The following KTN1 variants were observed in gnomAD, a reference collection of about 807,000 sequenced individuals.
The protein encoded by KTN1 is kinectin.
Under a neutral mutation model 222.5 loss-of-function variants are expected in KTN1, and 130 were observed. That is an observed-to-expected ratio of 0.58 (90% CI 0.51 to 0.68). The LOEUF (loss-of-function observed/expected upper bound fraction) is 0.68. Among genes scored for constraint, KTN1 ranks in the 30% least tolerant of loss-of-function variants. The pLI is 0.00. For synonymous variants in KTN1, 512 were observed against 496.3 expected (o/e 1.03, Z -0.42); for missense variants, 1,508 against 1,500.4 (o/e 1.01, Z -0.08).
chr14:55,638,279 G>GT lies in KTN1; in HGVS notation c.1785+433dup, dbSNP rs537909296. ...TTGCAAAATGATCAATTGAAAATTT[G>GT]TACCTCAGTTTAGTGACTCAGCCTT... On this transcript the variant is annotated intron_variant, in intron 12 of 43. Transcript: ENST00000395314. 6.2e-3 allele frequency among the ~76,000 whole-genome samples: 939 copies of GT among 151,970 alleles called. 9 individuals are homozygous for GT. The highest frequency in any genetic ancestry group is 5.6e-3 in the Non-Finnish European group (382 of 67,804).
intron 13 of KTN1, among the ~76,000 whole-genome samples, 180 bp from the exon 14 acceptor site, chr14:55,639,733 A>C (rs1362615767): frequency 6.6e-6 from 1 of 151,936 alleles, no homozygotes; most frequent in South Asian, 2.1e-4. Flanking sequence ...AAACAGGGTT[A>C]TGTATTTTAA....
intron 1 of KTN1, among the ~76,000 whole-genome samples, chr14:55,586,007 C>G (rs1377211752): frequency 6.6e-6 from 1 of 152,194 alleles, no homozygotes; most frequent in Non-Finnish European, 1.5e-5. Flanking sequence ...TGATGTTACA[C>G]TGCATTTTCG....
chr14:55,582,435 C>T (rs141533776), intron 1 of KTN1, among the ~76,000 whole-genome samples: 4 of 152,080 alleles, frequency 2.6e-5, no homozygotes, highest in African/African-American at 9.7e-5. Flanking sequence ...TTTGAGACTT[C>T]TAAAGAACCC....
chr14:55,647,950 AAATAAT>A (rs892973127), intron 19 of KTN1, 69 bp from the exon 20 acceptor site: 1 of 449,790 alleles, frequency 2.2e-6, no homozygotes, highest in Admixed American at 5.0e-5. Flanking sequence ...TCTCAAAAAA[AAATAAT>A]AATTATAATA....
At chr14:55,663,862 C>G in intron 32 of KTN1, 93 bp from the exon 33 acceptor site, 1 of 732,640 alleles carries the variant, frequency 1.4e-6, no homozygotes, top group South Asian at 1.9e-5. Context: ...CAGTAACCAG[C>G]ATTTAAATGC....
Position 55,640,410 on chromosome 14 carries a change from G to A in KTN1, c.1951G>A (p.Val651Met), listed in dbSNP as rs754753899. Residue 651 changes from valine to methionine, a missense_variant, in exon 15 of 44, where the codon GTG (valine) becomes ATG (methionine). Val to Met is a conservative substitution (Grantham distance 21). Coordinates refer to ENST00000395314, the MANE Select transcript of KTN1 (RefSeq NM_001079521.2). ...QNMNFLLKAE[V>M]QKLQALANEQ... ...TATGAATTTCTTATTAAAAGCTGAA[G>A]TGCAGAAATTACAGGCCCTGGCAAA... The A allele has an allele frequency of 7.5e-6, 12 of 1,607,972 alleles. No homozygotes were observed. The highest frequency in any genetic ancestry group is 1.0e-5 in the Non-Finnish European group (12 of 1,176,376).
Position 55,641,136 on chromosome 14 carries a change from T to TA in KTN1, c.2034dup (p.Asp679ArgfsTer2), listed in dbSNP as rs1263054936. 1 of 1,584,160 alleles carries TA rather than the reference T, an allele frequency of 6.3e-7. No individual in the cohort carries two copies. Among genetic ancestry groups the TA allele is most frequent in the South Asian group, 1.2e-5 (1 of 86,408 alleles). On this transcript the variant is annotated frameshift_variant, in exon 17 of 44. Coordinates refer to ENST00000395314, the MANE Select transcript of KTN1 (RefSeq NM_001079521.2). LOFTEE classifies it high-confidence loss of function. Reference sequence around the variant, plus strand: ...TTTTTCACCCTCATAGTGTTTATGTTAAAGATGATAAAATAAGATTGCTGG... The same window carrying TA: ...TTTTTCACCCTCATAGTGTTTATGTTAAAAGATGATAAAATAAGATTGCTGG...
intron 24 of KTN1, 41 bp from the exon 25 acceptor site, chr14:55,651,843 TAAATTG>T (rs774823596): frequency 8.1e-7 from 1 of 1,238,050 alleles, no homozygotes; most frequent in Non-Finnish European, 1.2e-6. Context: ...CTTAATAAGT[TAAATTG>T]AAAGGATTAT....
intron 4 of KTN1, among the ~76,000 whole-genome samples, chr14:55,618,850 G>A (rs188002987): frequency 6.6e-6 from 1 of 152,076 alleles, no homozygotes; most frequent in African/African-American, 2.4e-5. Flanking sequence ...GATTATTAAA[G>A]TTCATTGAGA....
chr14:55,642,632 A>G (rs140564266), intron 18 of KTN1, among the ~76,000 whole-genome samples: 97 of 152,352 alleles, frequency 6.4e-4, no homozygotes, highest in African/African-American at 2.2e-3. Context: ...TGCAAATGAT[A>G]GCACTTCTTT....
intron 1 of KTN1, among the ~76,000 whole-genome samples, chr14:55,608,871 C>T (rs911706025): frequency 6.6e-6 from 1 of 152,036 alleles, no homozygotes; most frequent in Non-Finnish European, 1.5e-5. Flanking sequence ...CTCAAGTGAT[C>T]CGCCTGCCTC....
At chr14:55,677,543 GT>G (rs2045990723) in intron 41 of KTN1, among the ~76,000 whole-genome samples, 1 of 150,584 alleles carries the variant, frequency 6.6e-6, no homozygotes. Flanking sequence ...CAGTATGTAT[GT>G]TAAAGCTCAC....
In KTN1 at chr14:55,648,169, A is replaced by T. The variant is rs1222860558; in HGVS notation, c.2298+54A>T. On this transcript the variant is annotated intron_variant, in intron 20 of 43. Transcript: ENST00000395314. ...TGTGATTATTCAGTGACATAAAAGG[A>T]TTTCTCTGTAATTTGTGTAAGGTTT... is the stretch of plus-strand genomic sequence containing the variant. The T allele has an allele frequency of 5.8e-6, 5 of 868,444 alleles. No individual in the cohort carries two copies. The East Asian group carries it at 1.5e-4, about 25-fold the overall frequency. 53.8% of individuals were successfully genotyped at this position (868,444 alleles called of 1,614,324 possible). A position where few individuals can be genotyped will look rare whatever the true frequency, so the allele number is the denominator to read the frequency against.
At chr14:55,631,341 GATATATATATAT>G (rs56190231) in intron 7 of KTN1, among the ~76,000 whole-genome samples, 4 of 114,718 alleles carry the variant, frequency 3.5e-5, no homozygotes, top group African/African-American at 1.5e-4. Context: ...TGATAAGGTT[GATATATATATAT>G]ATATATATAT....
At chr14:55,639,398 G>A (rs1354139037) in intron 13 of KTN1, among the ~76,000 whole-genome samples, 176 bp downstream of exon 13, 2 of 146,834 alleles carry the variant, frequency 1.4e-5, no homozygotes, top group African/African-American at 5.0e-5. Flanking sequence ...CCATTAGTGA[G>A]TTGGGTCCCT....
intron 1 of KTN1, among the ~76,000 whole-genome samples, chr14:55,588,856 A>G (rs534492137): frequency 6.6e-5 from 10 of 152,254 alleles, no homozygotes; most frequent in Non-Finnish European, 1.5e-4. Context: ...TGGGATCTAC[A>G]TATATTTTAT....
rs762115849 is a variant in KTN1, at chr14:55,618,076, C to G, written c.774C>G (p.Asp258Glu). 6.2e-7 allele frequency: 1 copy of G among 1,612,610 alleles called. No homozygotes were observed. The highest frequency in any genetic ancestry group is 1.3e-5 in the African/African-American group (1 of 74,946). ...AGGTTATTGATTTGCTTAAACCTGACCAAGTAGAAGGGATCCAGAAATCTG... is the reference window on the plus strand; with the variant it reads ...AGGTTATTGATTTGCTTAAACCTGAGCAAGTAGAAGGGATCCAGAAATCTG... Reference protein sequence around the residue: ...KREVIDLLKPDQVEGIQKSGT... With the variant: ...KREVIDLLKPEQVEGIQKSGT... Residue 258 changes from aspartate (D) to glutamate (E), a missense_variant, in exon 4 of 44, where the codon GAC becomes GAG. Physicochemically the swap from Asp to Glu is conservative, Grantham distance 45. Transcript: ENST00000395314.
chr14:55,678,179 A>C (rs1220869540), intron 41 of KTN1, among the ~76,000 whole-genome samples, 173 bp from the exon 42 acceptor site: 1 of 152,206 alleles, frequency 6.6e-6, no homozygotes, highest in Non-Finnish European at 1.5e-5. Context: ...AAAAACAGTG[A>C]ACATATGTTC....
At chr14:55,615,933 C>G (rs939111035) in intron 2 of KTN1, among the ~76,000 whole-genome samples, 2 of 147,544 alleles carry the variant, frequency 1.4e-5, no homozygotes, top group South Asian at 2.2e-4. Context: ...CTTTTTCTTT[C>G]GACAGGGTCT....
Sources: allele counts gnomAD v4.1 joint callset (sites outside exome capture counted in the v4.1 genomes callset), GRCh38; gene constraint gnomAD v4.1.1; transcripts MANE v1.5; gene names NCBI Gene and HGNC (gene_info 2026-07-23, HGNC 2026-07-21).